The following ST18 variants were observed in gnomAD, a reference collection of about 807,000 sequenced individuals.
The protein encoded by ST18 is suppression of tumorigenicity 18 protein.
In ST18, 50 loss-of-function variants were observed where a neutral mutation model predicts 110.0. The ratio of observed to expected loss-of-function variants is 0.45; its 90% CI spans 0.36 to 0.58. The LOEUF (loss-of-function observed/expected upper bound fraction) is 0.58. Ranked by LOEUF, ST18 falls within the 20% of genes least tolerant of loss-of-function variation. The pLI is 0.00. For missense variants in ST18, 1,306 were observed against 1,280.1 expected (o/e 1.02, Z -0.31); for synonymous variants, 461 against 452.4 (o/e 1.02, Z -0.24).
At chr8:52,385,498 G>A (rs1836286588) in intron 2 of ST18, among the ~76,000 whole-genome samples, 1 of 151,862 alleles carries the variant, frequency 6.6e-6, no homozygotes, top group South Asian at 2.1e-4. Context: ...TACTCAAGAG[G>A]CTGAGGCAGG....
chr8:52,174,445 C>T (rs957466389), intron 9 of ST18, among the ~76,000 whole-genome samples: 7 of 152,164 alleles, frequency 4.6e-5, no homozygotes, highest in African/African-American at 7.2e-5. Flanking sequence ...CACATGTGTA[C>T]GATAATGATT....
chr8:52,125,395 A>ACT (rs910272762), intron 23 of ST18, among the ~76,000 whole-genome samples: 8 of 133,336 alleles, frequency 6.0e-5, no homozygotes, highest in African/African-American at 2.6e-4. Flanking sequence ...ACGTACACAC[A>ACT]CACACACACA....
intron 2 of ST18, among the ~76,000 whole-genome samples, chr8:52,399,200 C>G (rs1428072652): frequency 2.0e-5 from 3 of 151,996 alleles, no homozygotes; most frequent in Non-Finnish European, 4.4e-5. Flanking sequence ...TTCATCTCCT[C>G]TAGGTTATAC....
intron 2 of ST18, among the ~76,000 whole-genome samples, chr8:52,328,942 G>T (rs555352595): frequency 6.6e-6 from 1 of 152,124 alleles, no homozygotes; most frequent in Non-Finnish European, 1.5e-5. Flanking sequence ...ATTAAAACTT[G>T]GTAATGTGAC....
At chr8:52,134,762 A>AT (rs1299804816) in intron 19 of ST18, among the ~76,000 whole-genome samples, 2 of 152,182 alleles carry the variant, frequency 1.3e-5, no homozygotes, top group African/African-American at 4.8e-5. Flanking sequence ...TTCTATTAAC[A>AT]TTTTTTAGTA....
chr8:52,297,986 T>A (rs148022391), intron 2 of ST18, among the ~76,000 whole-genome samples: 5 of 152,348 alleles, frequency 3.3e-5, no homozygotes, highest in African/African-American at 1.2e-4. Flanking sequence ...CTTTATGTTA[T>A]CTTCTATAAC....
At position 52,166,869 on chromosome 8, in the gene ST18, A is replaced by T; in HGVS notation, c.1187T>A (p.Val396Glu). The T allele has an allele frequency of 6.3e-7, 1 of 1,591,784 alleles. No individual in the cohort carries two copies. Among genetic ancestry groups the T allele is most frequent in the Non-Finnish European group, 8.6e-7 (1 of 1,163,708 alleles). The change falls in exon 11 of 26, where the codon GTG becomes GAG. Residue 396 changes from valine to glutamate, a missense_variant. Val to Glu is a moderately radical substitution (Grantham distance 121, BLOSUM62 -2). Transcript: ENST00000689386. ...GTACTCACTTTCCAGGGGAACCCGCACTTTGTGGGGGCACCCCGAAAGGCT... is the reference window on the plus strand; with the variant it reads ...GTACTCACTTTCCAGGGGAACCCGCTCTTTGTGGGGGCACCCCGAAAGGCT... ...HRSLSGCPHK[V>E]RVPLEILAMH...
chr8:52,270,461 C>T (rs6473702), intron 2 of ST18, among the ~76,000 whole-genome samples: 6 of 152,056 alleles, frequency 3.9e-5, no homozygotes, highest in South Asian at 4.1e-4. Flanking sequence ...CTTCCCTCTT[C>T]GCAAATTTTA....
chr8:52,317,059 G>T (rs781027979), intron 2 of ST18, among the ~76,000 whole-genome samples: 7 of 152,082 alleles, frequency 4.6e-5, no homozygotes, highest in Non-Finnish European at 7.4e-5. Context: ...TTAATCTCAC[G>T]TAGCGAGCTT....
chr8:52,216,748 T>C (rs548023704), intron 6 of ST18, among the ~76,000 whole-genome samples: 2 of 152,330 alleles, frequency 1.3e-5, no homozygotes, highest in South Asian at 4.1e-4. Flanking sequence ...ATTTTAAGTA[T>C]TCTTCATTTG....
chr8:52,371,386 T>C (rs965880001), intron 2 of ST18, among the ~76,000 whole-genome samples: 4 of 152,348 alleles, frequency 2.6e-5, no homozygotes, highest in Admixed American at 2.0e-4. Flanking sequence ...ATTTGATTAC[T>C]ATTGAACATC....
At chr8:52,404,608 G>C (rs1406048094) in intron 2 of ST18, 2 of 152,162 alleles carry the variant, frequency 1.3e-5, no homozygotes, top group Non-Finnish European at 2.9e-5. Context: ...CGGAGGTGTG[G>C]GGACATGGCC....
At chr8:52,237,667 A>T (rs1268547274) in intron 2 of ST18, among the ~76,000 whole-genome samples, 1 of 152,246 alleles carries the variant, frequency 6.6e-6, no homozygotes, top group Non-Finnish European at 1.5e-5. Flanking sequence ...AAACTCAAAA[A>T]CAAGGAAATA....
intron 8 of ST18, among the ~76,000 whole-genome samples, chr8:52,209,226 C>G (rs2081249235): frequency 6.6e-6 from 1 of 152,146 alleles, no homozygotes; most frequent in Non-Finnish European, 1.5e-5. Flanking sequence ...TTGGTTTCTA[C>G]TCTAAACAGT....
At chr8:52,124,584 C>T (rs555250976) in intron 23 of ST18, among the ~76,000 whole-genome samples, 1 of 152,252 alleles carries the variant, frequency 6.6e-6, no homozygotes, top group South Asian at 2.1e-4. Flanking sequence ...TAAATTGTCC[C>T]AATTTCACTG....
At chr8:52,131,124 A>T (rs1208145241) in intron 22 of ST18, among the ~76,000 whole-genome samples, 1 of 152,242 alleles carries the variant, frequency 6.6e-6, no homozygotes, top group Non-Finnish European at 1.5e-5. Flanking sequence ...TATCATCCGT[A>T]TATAACTTTA....
intron 2 of ST18, among the ~76,000 whole-genome samples, chr8:52,366,305 A>G (rs1045282409): frequency 1.3e-5 from 2 of 151,724 alleles, no homozygotes; most frequent in African/African-American, 4.9e-5. Flanking sequence ...CACAAAAAAC[A>G]CTGCTCTCTA....
intron 2 of ST18, among the ~76,000 whole-genome samples, chr8:52,258,682 A>G (rs1213823232): frequency 6.6e-6 from 1 of 152,126 alleles, no homozygotes; most frequent in East Asian, 1.9e-4. Flanking sequence ...AAATGGAAAT[A>G]CTTTTGCTAC....
chr8:52,329,760 A>T (rs138126864), intron 2 of ST18, among the ~76,000 whole-genome samples: 26 of 151,372 alleles, frequency 1.7e-4, no homozygotes, highest in African/African-American at 5.8e-4. Context: ...GGCTCTGTCT[A>T]AAAAAAAAGA....
Sources: gnomAD v4.1 joint callset for allele counts (sites outside exome capture counted in the v4.1 genomes callset) on GRCh38, gnomAD v4.1.1 for gene constraint, MANE v1.5 for transcripts, NCBI Gene and HGNC (gene_info 2026-07-23, HGNC 2026-07-21) for gene names.